The following CNTNAP2 variants were observed in gnomAD, a reference collection of about 807,000 sequenced individuals.
CNTNAP2 encodes the protein contactin-associated protein-like 2.
CNTNAP2 carries 98 observed loss-of-function variants against 155.2 expected under a neutral mutation model. The observed-to-expected ratio is 0.63, with a 90% confidence interval of 0.54 to 0.75. The LOEUF (loss-of-function observed/expected upper bound fraction) is 0.75, where lower values mean the gene tolerates loss of function less well. CNTNAP2 is among the 30% of genes least tolerant of loss of function. CNTNAP2 has a pLI of 0.00. For missense variants in CNTNAP2, 1,727 were observed against 1,688.1 expected (o/e 1.02, Z -0.40); for synonymous variants, 651 against 631.2 (o/e 1.03, Z -0.47).
At chr7:147,510,677 T>C (rs775976637) in intron 11 of CNTNAP2, among the ~76,000 whole-genome samples, 1 of 151,650 alleles carries the variant, frequency 6.6e-6, no homozygotes, top group Non-Finnish European at 1.5e-5. Flanking sequence ...TCATAAATTT[T>C]GAATTATTAT....
At chr7:147,573,490 C>A (rs1800332284) in intron 12 of CNTNAP2, among the ~76,000 whole-genome samples, 1 of 152,136 alleles carries the variant, frequency 6.6e-6, no homozygotes, top group Admixed American at 6.5e-5. Context: ...TGTTTCTAAG[C>A]TCACTTGGTG....
chr7:146,836,525 G>T (rs942325403), intron 2 of CNTNAP2, among the ~76,000 whole-genome samples: 6 of 152,094 alleles, frequency 3.9e-5, no homozygotes, highest in African/African-American at 1.2e-4. Context: ...GTAAAGTTAA[G>T]ACCACAGCAT....
chr7:146,641,015 A>G (rs1799696025), intron 1 of CNTNAP2, among the ~76,000 whole-genome samples: 1 of 152,160 alleles, frequency 6.6e-6, no homozygotes, highest in Non-Finnish European at 1.5e-5. Context: ...GCAGCCTTCC[A>G]ATAGTTTGCA....
Position 146,773,968 on chromosome 7 carries a change from C to A in CNTNAP2, c.98-303C>A, listed in dbSNP as rs1005333652. ...AAGATTTCCAGGAGATGCCAGATAC[C>A]AAAGCTTATTACAGGAACAAGCTCA... On this transcript the variant is annotated intron_variant, in intron 1 of 23. Transcript: ENST00000361727. 2.0e-5 allele frequency among the ~76,000 whole-genome samples: 3 copies of A among 152,132 alleles called. No homozygotes were observed. The East Asian group carries it at 5.8e-4, about 29-fold the overall frequency.
At chr7:147,093,254 AAAAAAG>A (rs1554436951) in intron 4 of CNTNAP2, among the ~76,000 whole-genome samples, 1 of 150,638 alleles carries the variant, frequency 6.6e-6, no homozygotes, top group South Asian at 2.1e-4. Flanking sequence ...AAAAAAAAAA[AAAAAAG>A]AAAAAGAAAA....
chr7:146,666,770 T>C (rs940703023), intron 1 of CNTNAP2, among the ~76,000 whole-genome samples: 4 of 152,104 alleles, frequency 2.6e-5, no homozygotes, highest in Non-Finnish European at 4.4e-5. Flanking sequence ...CATTTTTCAT[T>C]TGTTGCATAT....
intron 15 of CNTNAP2, among the ~76,000 whole-genome samples, chr7:148,108,772 T>C (rs141456578): frequency 6.6e-6 from 1 of 152,306 alleles, no homozygotes; most frequent in Admixed American, 6.5e-5. Context: ...ATTGCACAGC[T>C]TGGTGAATGT....
chr7:146,295,829 C>A (rs1290642633), intron 1 of CNTNAP2, among the ~76,000 whole-genome samples: 3 of 149,150 alleles, frequency 2.0e-5, no homozygotes, highest in African/African-American at 7.5e-5. Flanking sequence ...AACTTTATTG[C>A]ACAGCACCGC....
At chr7:146,334,813 G>C (rs1199515278) in intron 1 of CNTNAP2, among the ~76,000 whole-genome samples, 2 of 151,664 alleles carry the variant, frequency 1.3e-5, no homozygotes, top group Admixed American at 1.3e-4. Flanking sequence ...TTGTGAACCT[G>C]TTCATGCCCC....
chr7:147,337,988 T>C (rs1343327199), intron 9 of CNTNAP2, among the ~76,000 whole-genome samples: 2 of 152,162 alleles, frequency 1.3e-5, no homozygotes, highest in African/African-American at 4.8e-5. Context: ...TAGAATTTGA[T>C]TTGTGGTTTT....
At chr7:148,064,429 A>T (rs1343710815) in intron 15 of CNTNAP2, among the ~76,000 whole-genome samples, 1 of 152,032 alleles carries the variant, frequency 6.6e-6, no homozygotes, top group Non-Finnish European at 1.5e-5. Flanking sequence ...GCAATCAGAT[A>T]AGAGAAAGAA....
intron 21 of CNTNAP2, among the ~76,000 whole-genome samples, chr7:148,358,179 G>A (rs988506105): frequency 9.8e-5 from 15 of 152,314 alleles, no homozygotes; most frequent in African/African-American, 3.1e-4. Context: ...CACACAGCCA[G>A]GGGGCTGGGA....
intron 1 of CNTNAP2, among the ~76,000 whole-genome samples, chr7:146,351,589 C>G (rs947319498): frequency 6.6e-6 from 1 of 152,158 alleles, no homozygotes; most frequent in African/African-American, 2.4e-5. Context: ...AACCCCTCAA[C>G]TAAACCTCTT....
At chr7:147,448,642 T>G (rs907330712) in intron 10 of CNTNAP2, among the ~76,000 whole-genome samples, 2 of 151,798 alleles carry the variant, frequency 1.3e-5, no homozygotes, top group Non-Finnish European at 2.9e-5. Flanking sequence ...GTTCTAATAA[T>G]AGAGGAAATA....
At chr7:148,266,601 AGTGT>A in intron 20 of CNTNAP2, among the ~76,000 whole-genome samples, 1 of 151,512 alleles carries the variant, frequency 6.6e-6, no homozygotes, top group Non-Finnish European at 1.5e-5. Context: ...TCAGCATTTG[AGTGT>A]GTGTGTGTGT....
At chr7:146,317,925 AG>A (rs1800936798) in intron 1 of CNTNAP2, among the ~76,000 whole-genome samples, 1 of 152,172 alleles carries the variant, frequency 6.6e-6, no homozygotes, top group Admixed American at 6.5e-5. Context: ...GCGGATCACG[AG>A]GTCAGGAGAT....
At chr7:146,936,422 A>T (rs552124772) in intron 3 of CNTNAP2, among the ~76,000 whole-genome samples, 10 of 152,280 alleles carry the variant, frequency 6.6e-5, no homozygotes, top group Non-Finnish European at 1.5e-4. Flanking sequence ...TGCAAAACCC[A>T]CTGTTCTACT....
At chr7:148,259,567 T>A (rs1796519131) in intron 20 of CNTNAP2, among the ~76,000 whole-genome samples, 1 of 152,168 alleles carries the variant, frequency 6.6e-6, no homozygotes, top group Non-Finnish European at 1.5e-5. Context: ...AAAAGCGGGA[T>A]CTGCCTTGAA....
intron 9 of CNTNAP2, among the ~76,000 whole-genome samples, chr7:147,314,839 G>A (rs970016250): frequency 6.6e-6 from 1 of 151,058 alleles, no homozygotes; most frequent in African/African-American, 2.4e-5. Flanking sequence ...AATGTTATAT[G>A]TAGAAAAAAA....
Sources: allele counts gnomAD v4.1 joint callset (sites outside exome capture counted in the v4.1 genomes callset), GRCh38; gene constraint gnomAD v4.1.1; transcripts MANE v1.5; gene names NCBI Gene and HGNC (gene_info 2026-07-23, HGNC 2026-07-21).